The following MBD5 variants were observed in gnomAD, a reference collection of about 807,000 sequenced individuals.
MBD5 encodes methyl-CpG binding domain protein 5, also known as methyl-CpG-binding domain protein 5.
In MBD5, 13 loss-of-function variants were observed where a neutral mutation model predicts 117.3. The observed-to-expected ratio is 0.11, with a 90% confidence interval of 0.07 to 0.18. The LOEUF (loss-of-function observed/expected upper bound fraction) is 0.18, where lower values mean the gene tolerates loss of function less well. MBD5 is among the 10% of genes least tolerant of loss of function. The pLI is 1.00. For missense variants in MBD5, 1,879 were observed against 2,093.8 expected (o/e 0.90, Z 2.00); for synonymous variants, 727 against 766.4 (o/e 0.95, Z 0.85).
Position 148,282,906 on chromosome 2 carries a change from C to CG in MBD5, c.-680+49511_-680+49512insG, listed in dbSNP as rs1289730424. Among the ~76,000 whole-genome samples the CG allele has an allele frequency of 2.7e-5, 4 of 145,646 alleles. No individual in the cohort carries two copies. In the Admixed American group the frequency reaches 2.8e-4, roughly 10 times the overall value. On this transcript the variant is annotated intron_variant, in intron 3 of 13. Coordinates refer to ENST00000642680, the MANE Select transcript of MBD5 (RefSeq NM_001378120.1). ...GACTTTTAAGACTTAACCGCCCCCCCCCATCAGATGCAATTATTAGTTGTC... is the reference window on the plus strand; with the variant it reads ...GACTTTTAAGACTTAACCGCCCCCCCGCCATCAGATGCAATTATTAGTTGTC...
chr2:148,100,681 G>T (rs1000155413), intron 1 of MBD5, among the ~76,000 whole-genome samples: 1 of 152,180 alleles, frequency 6.6e-6, no homozygotes, highest in Non-Finnish European at 1.5e-5. Context: ...CTCCTCATAG[G>T]CTAGTTTATG....
At chr2:148,439,842 A>G (rs1205691498) in intron 4 of MBD5, among the ~76,000 whole-genome samples, 1 of 150,646 alleles carries the variant, frequency 6.6e-6, no homozygotes. Flanking sequence ...GAGCTCAAGC[A>G]TTCCTTCTGC....
At chr2:148,427,796 A>G (rs1705850712) in intron 4 of MBD5, among the ~76,000 whole-genome samples, 1 of 152,242 alleles carries the variant, frequency 6.6e-6, no homozygotes, top group South Asian at 2.1e-4. Flanking sequence ...TAATAAAAAT[A>G]AAAAAGAATA....
rs747498211 is a variant in MBD5 at position 148,468,880 on chromosome 2, C to G, written c.937C>G (p.Pro313Ala). 1 of 1,613,910 alleles carries G rather than the reference C, an allele frequency of 6.2e-7. No individual in the cohort carries two copies. The highest frequency in any genetic ancestry group is 1.7e-5 in the Admixed American group (1 of 59,974). ...LTTKSPVMKK[P>A]MCNFSTNMEI... is the part of the protein sequence containing the mutation. ...TACAAAGAGTCCAGTAATGAAAAAACCAATGTGTAATTTTTCAACTAATAT... is the reference window on the plus strand; with the variant it reads ...TACAAAGAGTCCAGTAATGAAAAAAGCAATGTGTAATTTTTCAACTAATAT... Residue 313 changes from proline (P) to alanine (A), a missense_variant, in exon 8 of 14, where the codon CCA (proline) becomes GCA (alanine). Pro to Ala is a conservative substitution (Grantham distance 27, BLOSUM62 -1). Transcript: ENST00000642680.
chr2:148,256,759 T>G (rs915763302), intron 3 of MBD5, among the ~76,000 whole-genome samples: 4 of 152,252 alleles, frequency 2.6e-5, no homozygotes, highest in Non-Finnish European at 4.4e-5. Flanking sequence ...CACCCTCCCT[T>G]AAATGCTGAA....
intron 3 of MBD5, among the ~76,000 whole-genome samples, chr2:148,329,691 A>G (rs1446395063): frequency 6.6e-6 from 1 of 152,196 alleles, no homozygotes; most frequent in East Asian, 1.9e-4. Flanking sequence ...CAAATGAGCT[A>G]CTGTCAGAGG....
At chr2:148,294,506 T>TTTTTTTTTGTTTTTTTTTTTTGTTTTG (rs1397412173) in intron 3 of MBD5, among the ~76,000 whole-genome samples, 4 of 130,688 alleles carry the variant, frequency 3.1e-5, no homozygotes, top group African/African-American at 3.0e-5. Flanking sequence ...TTACAGTTTT[T>TTTTTTTTTGTTTTTTTTTTTTGTTTTG]TTTTTTTTTT....
chr2:148,367,940 CA>C (rs1253991548), intron 4 of MBD5, among the ~76,000 whole-genome samples: 5 of 152,006 alleles, frequency 3.3e-5, no homozygotes, highest in African/African-American at 7.2e-5. Flanking sequence ...GGATCTAAAC[CA>C]GAAATACCAC....
intron 2 of MBD5, among the ~76,000 whole-genome samples, chr2:148,194,866 A>G (rs1290718574): frequency 1.3e-5 from 2 of 152,162 alleles, no homozygotes; most frequent in Non-Finnish European, 2.9e-5. Flanking sequence ...TCATCACTAT[A>G]TTAAGTATAA....
At chr2:148,209,072 C>T (rs181110171) in intron 2 of MBD5, among the ~76,000 whole-genome samples, 2 of 152,152 alleles carry the variant, frequency 1.3e-5, no homozygotes, top group East Asian at 3.9e-4. Context: ...GTAACTTTTT[C>T]ATTTTGATTT....
At chr2:148,090,209 C>G (rs1207624371) in intron 1 of MBD5, among the ~76,000 whole-genome samples, 1 of 151,560 alleles carries the variant, frequency 6.6e-6, no homozygotes, top group Non-Finnish European at 1.5e-5. Flanking sequence ...TTGGCAACAA[C>G]AACAAAAAAG....
At chr2:148,111,098 A>G (rs964644338) in intron 1 of MBD5, among the ~76,000 whole-genome samples, 13 of 152,322 alleles carry the variant, frequency 8.5e-5, no homozygotes, top group African/African-American at 3.1e-4. Flanking sequence ...AACTGAGGAG[A>G]CATGTCCAAA....
At chr2:148,287,087 G>C (rs1701384137) in intron 3 of MBD5, among the ~76,000 whole-genome samples, 1 of 151,872 alleles carries the variant, frequency 6.6e-6, no homozygotes, top group Non-Finnish European at 1.5e-5. Context: ...TTTCCTAAAG[G>C]TGTCTCCAAT....
At chr2:148,095,727 TAG>T (rs1415114929) in intron 1 of MBD5, among the ~76,000 whole-genome samples, 2 of 151,858 alleles carry the variant, frequency 1.3e-5, no homozygotes, top group Non-Finnish European at 2.9e-5. Context: ...TATTCTGAGT[TAG>T]TTTTTTTTTT....
At chr2:148,110,778 T>C (rs1696487778) in intron 1 of MBD5, among the ~76,000 whole-genome samples, 1 of 152,012 alleles carries the variant, frequency 6.6e-6, no homozygotes, top group Non-Finnish European at 1.5e-5. Flanking sequence ...CTTTTTCTTT[T>C]TTTTCCTATG....
At chr2:148,089,059 A>G (rs1558920760) in intron 1 of MBD5, among the ~76,000 whole-genome samples, 1 of 152,174 alleles carries the variant, frequency 6.6e-6, no homozygotes, top group Non-Finnish European at 1.5e-5. Context: ...AGCTGTCCTT[A>G]TATTAGACAA....
At chr2:148,446,593 A>G (rs1050558289) in intron 4 of MBD5, among the ~76,000 whole-genome samples, 1 of 26,428 alleles carries the variant, frequency 3.8e-5, no homozygotes, top group African/African-American at 8.8e-5. Context: ...TACATACCAG[A>G]TTATTTATCT....
chr2:148,399,483 T>G (rs1704845714), intron 4 of MBD5, among the ~76,000 whole-genome samples: 1 of 152,198 alleles, frequency 6.6e-6, no homozygotes, highest in African/African-American at 2.4e-5. Context: ...AGAATGCTTG[T>G]GATTTTAGCA....
At chr2:148,072,362 A>T (rs892475500) in intron 1 of MBD5, among the ~76,000 whole-genome samples, 6 of 152,194 alleles carry the variant, frequency 3.9e-5, no homozygotes, top group Non-Finnish European at 5.9e-5. Context: ...TTTAAAATGT[A>T]TGGGCCGAAA....
Sources: allele counts gnomAD v4.1 joint callset (sites outside exome capture counted in the v4.1 genomes callset), GRCh38; gene constraint gnomAD v4.1.1; transcripts MANE v1.5; gene names NCBI Gene and HGNC (gene_info 2026-07-23, HGNC 2026-07-21).